MTMR10: variants seen among roughly 807,000 people sequenced by gnomAD.
MTMR10 encodes the protein myotubularin related protein 10.
In MTMR10, 56 loss-of-function variants were observed where a neutral mutation model predicts 88.1. The ratio of observed to expected loss-of-function variants is 0.64; its 90% CI spans 0.51 to 0.79. MTMR10 has a LOEUF of 0.79. Among genes scored for constraint, MTMR10 ranks in the 30% least tolerant of loss-of-function variants. The pLI is 0.00. For synonymous variants in MTMR10, 380 were observed against 340.9 expected (o/e 1.11, Z -1.26); for missense variants, 883 against 924.7 (o/e 0.95, Z 0.58).
chr15:30,952,625 C>T (rs1183004800), intron 11 of MTMR10, among the ~76,000 whole-genome samples: 1 of 151,632 alleles, frequency 6.6e-6, no homozygotes, highest in Non-Finnish European at 1.5e-5. Context: ...CTCAGGCTCC[C>T]TAGGACAGCA....
chr15:30,947,226 G>A lies in MTMR10; in HGVS notation c.1452C>T (p.Ser484=), dbSNP rs1364625811. The change falls in exon 14 of 16, where the codon TCC becomes TCT. Residue 484 remains serine (S), a synonymous_variant. Coordinates refer to ENST00000435680, the MANE Select transcript of MTMR10 (RefSeq NM_017762.3). ...CATACAACACTGCCAGGTAGGTTTCGGAGAACTCAAAAGCTGCAGGATATT... is the reference window on the plus strand; with the variant it reads ...CATACAACACTGCCAGGTAGGTTTCAGAGAACTCAAAAGCTGCAGGATATT... ...LEQYPAAFEF[S]ETYLAVLYDS... The A allele has an allele frequency of 3.7e-6, 6 of 1,613,842 alleles. No individual in the cohort carries two copies. Among genetic ancestry groups the A allele is most frequent in the African/African-American group, 2.7e-5 (2 of 74,902 alleles).
chr15:30,947,364 C>A, intron 13 of MTMR10, 64 bp from the exon 14 acceptor site: 1 of 1,506,140 alleles, frequency 6.6e-7, no homozygotes, highest in Non-Finnish European at 9.0e-7. Flanking sequence ...ACATTTACTT[C>A]AAAATGTACT....
chr15:30,919,484 A>G, the MTMR10 span, among the ~76,000 whole-genome samples: 1 of 151,640 alleles, frequency 6.6e-6, no homozygotes, highest in Non-Finnish European at 1.5e-5. Flanking sequence ...TGAGGTCAGG[A>G]GTTCGAGACT....
At chr15:30,921,723 G>A in the MTMR10 span, among the ~76,000 whole-genome samples, 5 of 152,194 alleles carry the variant, frequency 3.3e-5, no homozygotes, top group African/African-American at 1.2e-4. Context: ...ATGAGCCACA[G>A]AAGATTAACA....
chr15:30,924,262 G>A, the MTMR10 span, among the ~76,000 whole-genome samples: 2 of 152,136 alleles, frequency 1.3e-5, no homozygotes, highest in Admixed American at 1.3e-4. Context: ...GATGGACACT[G>A]GGTTCCTTCC....
downstream of MTMR10, among the ~76,000 whole-genome samples, chr15:30,937,447 CTTTTTTTTTTTTT>C (rs11317050): frequency 2.5e-5 from 2 of 78,978 alleles, no homozygotes; most frequent in Non-Finnish European, 4.8e-5. Flanking sequence ...GGGTAATAAA[CTTTTTTTTTTTTT>C]TTTTTTTTTG....
the MTMR10 span, chr15:30,930,657 A>G: frequency 6.2e-7 from 1 of 1,612,794 alleles, no homozygotes; most frequent in Non-Finnish European, 8.5e-7. Flanking sequence ...GAACTCCCAG[A>G]GCCGTCACTT....
At chr15:30,958,144 G>C (rs1362464256) in intron 9 of MTMR10, among the ~76,000 whole-genome samples, 1 of 152,214 alleles carries the variant, frequency 6.6e-6, no homozygotes, top group African/African-American at 2.4e-5. Context: ...AAGGTAGACT[G>C]AAGATATAAA....
intron 5 of MTMR10, among the ~76,000 whole-genome samples, chr15:30,973,863 C>T (rs2029901305): frequency 6.6e-6 from 1 of 152,134 alleles, no homozygotes; most frequent in East Asian, 1.9e-4. Context: ...TTTCTTTAAA[C>T]CACTAATAAT....
the MTMR10 span, chr15:30,930,779 G>C: frequency 6.4e-6 from 9 of 1,401,732 alleles, no homozygotes; most frequent in East Asian, 2.1e-4. Flanking sequence ...TGAATTCCTT[G>C]AGAGCTTTTG....
chr15:30,953,210 G>A (rs780393226), intron 11 of MTMR10, among the ~76,000 whole-genome samples: 1 of 152,222 alleles, frequency 6.6e-6, no homozygotes, highest in Non-Finnish European at 1.5e-5. Flanking sequence ...CACAGATGGC[G>A]ATGAGGGTGC....
chr15:30,927,378 G>A, the MTMR10 span: 1 of 985,530 alleles, frequency 1.0e-6, no homozygotes, highest in Non-Finnish European at 1.2e-6. Flanking sequence ...TGGAAGACTT[G>A]GCAACAGCCA....
the MTMR10 span, among the ~76,000 whole-genome samples, chr15:30,923,714 G>A: frequency 6.6e-6 from 1 of 152,224 alleles, no homozygotes; most frequent in South Asian, 2.1e-4. Flanking sequence ...CGAACAGGGT[G>A]CCCTTCAGAG....
intron 14 of MTMR10, among the ~76,000 whole-genome samples, chr15:30,945,626 A>G (rs1294893486): frequency 6.6e-6 from 1 of 152,252 alleles, no homozygotes; most frequent in Non-Finnish European, 1.5e-5. Context: ...GGGAAAGCCT[A>G]GCTCGAGGCA....
At position 30,975,015 on chromosome 15, in the gene MTMR10, A is replaced by AC; in HGVS notation, c.259-13_259-12insG. On this transcript the variant is annotated splice_polypyrimidine_tract_variant and intron_variant, in intron 3 of 15. Transcript: ENST00000435680. Reference sequence around the variant, plus strand: ...CTGTAATGGAATTTCTGGAATAAAAAATTATGTTCATATTAATTCTTTTCC... The same window carrying AC: ...CTGTAATGGAATTTCTGGAATAAAAACATTATGTTCATATTAATTCTTTTCC... The AC allele has an allele frequency of 6.6e-7, 1 of 1,520,056 alleles. No homozygotes were observed. The highest frequency in any genetic ancestry group is 8.9e-7 in the Non-Finnish European group (1 of 1,117,796). 94.2% of individuals were successfully genotyped at this position (1,520,056 alleles called of 1,614,324 possible).
At chr15:30,928,235 C>T in the MTMR10 span, 1 of 1,083,134 alleles carries the variant, frequency 9.2e-7, no homozygotes, top group Non-Finnish European at 1.1e-6. Flanking sequence ...GGGTATCTGC[C>T]TATTTTTCTT....
chr15:30,990,753 G>A lies in MTMR10; in HGVS notation c.121+24C>T, dbSNP rs751379078. ...ACCAAAATACGTTGCTAAAGTATCT[G>A]TTAGAATCCTAACTAATGTTTACCT... On this transcript the variant is annotated intron_variant, in intron 2 of 15. Transcript: ENST00000435680. 6.9e-6 allele frequency: 11 copies of A among 1,596,026 alleles called. No individual in the cohort carries two copies. The South Asian group carries it at 1.2e-4, about 18-fold the overall frequency.
At chr15:30,963,556 G>A (rs889179664) in intron 6 of MTMR10, among the ~76,000 whole-genome samples, 3 of 152,118 alleles carry the variant, frequency 2.0e-5, no homozygotes, top group Non-Finnish European at 4.4e-5. Context: ...GAGATGGTGT[G>A]AACCTGGCAG....
the MTMR10 span, chr15:30,929,171 C>A: frequency 6.2e-7 from 1 of 1,601,824 alleles, no homozygotes; most frequent in Non-Finnish European, 8.5e-7. Context: ...TCTGCAGGCA[C>A]AGTATGACAG....
Sources: allele counts gnomAD v4.1 joint callset (sites outside exome capture counted in the v4.1 genomes callset), GRCh38; gene constraint gnomAD v4.1.1; transcripts MANE v1.5; gene names NCBI Gene and HGNC (gene_info 2026-07-23, HGNC 2026-07-21).